The following GASK1A variants were observed in gnomAD, a reference collection of about 807,000 sequenced individuals.
GASK1A encodes the protein golgi associated kinase 1A, also known as Golgi-associated kinase 1A.
In GASK1A, 40 loss-of-function variants were observed where a neutral mutation model predicts 41.2. The ratio of observed to expected loss-of-function variants is 0.97; its 90% confidence interval spans 0.75 to 1.27. GASK1A has a LOEUF of 1.27. Ranked by LOEUF, GASK1A falls within the 50% of genes most tolerant of loss-of-function variation. The probability of loss-of-function intolerance (pLI) is 0.00; values close to 1 mark genes in which losing one functional copy is unlikely to be tolerated. For synonymous variants in GASK1A, 316 were observed against 307.1 expected (o/e 1.03, Z -0.30); for missense variants, 678 against 745.1 (o/e 0.91, Z 1.05).
At chr3:43,003,426 C>T (rs1235449456) in intron 1 of GASK1A, among the ~76,000 whole-genome samples, 1 of 148,442 alleles carries the variant, frequency 6.7e-6, no homozygotes, top group African/African-American at 2.5e-5. Flanking sequence ...ACCAGGGAGA[C>T]GGAGGTTGCA....
At chr3:43,051,295 G>A (rs764462021) in intron 2 of GASK1A, among the ~76,000 whole-genome samples, 1 of 152,142 alleles carries the variant, frequency 6.6e-6, no homozygotes, top group Non-Finnish European at 1.5e-5. Context: ...TGCTCAGTTA[G>A]TTCAGTGATC....
At chr3:43,048,230 C>T (rs138578759) in intron 2 of GASK1A, among the ~76,000 whole-genome samples, 4 of 152,216 alleles carry the variant, frequency 2.6e-5, no homozygotes, top group Admixed American at 1.3e-4. Flanking sequence ...GGTGAAGATG[C>T]TAATTCAGTC....
chr3:43,033,768 A>G (rs2089592157), intron 2 of GASK1A, among the ~76,000 whole-genome samples: 1 of 152,192 alleles, frequency 6.6e-6, no homozygotes, highest in African/African-American at 2.4e-5. Flanking sequence ...TGATGGCTAT[A>G]ATTTTCAGGA....
At chr3:43,015,910 T>C (rs990008419) in intron 1 of GASK1A, among the ~76,000 whole-genome samples, 1 of 150,166 alleles carries the variant, frequency 6.7e-6, no homozygotes, top group African/African-American at 2.5e-5. Flanking sequence ...GGAGGGGCAG[T>C]GTGAAGCCAA....
intron 1 of GASK1A, among the ~76,000 whole-genome samples, chr3:43,013,248 G>C (rs149161872): frequency 8.4e-4 from 128 of 151,644 alleles, no homozygotes; most frequent in Admixed American, 3.8e-3. Context: ...CACAGGAAGA[G>C]GCAATGTGAA....
intron 3 of GASK1A, among the ~76,000 whole-genome samples, chr3:43,054,716 C>T (rs571840900): frequency 3.3e-5 from 5 of 152,306 alleles, no homozygotes; most frequent in East Asian, 3.9e-4. Context: ...GCCTCCCATT[C>T]GCAACCACAC....
At chr3:43,002,580 T>C (rs1474908085) in intron 1 of GASK1A, among the ~76,000 whole-genome samples, 1 of 152,182 alleles carries the variant, frequency 6.6e-6, no homozygotes, top group Non-Finnish European at 1.5e-5. Flanking sequence ...CATACTGAAA[T>C]GTAGCTGGTC....
intron 1 of GASK1A, among the ~76,000 whole-genome samples, chr3:42,985,956 A>G (rs2125672298): frequency 6.6e-6 from 1 of 152,338 alleles, no homozygotes; most frequent in South Asian, 2.1e-4. Context: ...CACTTACCAT[A>G]TATCCCAGCA....
rs1420979927 is a variant in GASK1A, at chr3:43,053,534, T to A, written c.1304T>A (p.Leu435Ter). 54 of 1,549,040 alleles carry A rather than the reference T, an allele frequency of 3.5e-5. No individual in the cohort carries two copies. The highest frequency in any genetic ancestry group is 4.6e-5 in the Non-Finnish European group (53 of 1,145,074). Reference protein sequence around the residue: ...FDFLLQVHDRLDRYCCGFEPE... With the variant: ...FDFLLQVHDR ...GTGTCTCCACAGGTCCACGACCGCTTGGATCGCTACTGCTGTGGCTTCGAG... is the reference window on the plus strand; with the variant it reads ...GTGTCTCCACAGGTCCACGACCGCTAGGATCGCTACTGCTGTGGCTTCGAG... Residue 435 changes from leucine (L) to a stop codon, truncating the protein, a stop_gained, in exon 3 of 5, where the codon TTG becomes TAG. Transcript: ENST00000430121. LOFTEE classifies it high-confidence loss of function.
At chr3:43,039,194 T>TTTG (rs2089621662) in intron 2 of GASK1A, among the ~76,000 whole-genome samples, 1 of 65,074 alleles carries the variant, frequency 1.5e-5, no homozygotes, top group South Asian at 4.7e-4. Flanking sequence ...ACCAGGTAGT[T>TTTG]TTTTTTTTTG....
intron 1 of GASK1A, among the ~76,000 whole-genome samples, chr3:43,021,290 C>A: frequency 6.6e-6 from 1 of 152,232 alleles, no homozygotes; most frequent in Middle Eastern, 3.4e-3. Flanking sequence ...CACCTTTCCA[C>A]GTGATTTTAA....
intron 2 of GASK1A, among the ~76,000 whole-genome samples, chr3:43,045,418 C>G (rs190180271): frequency 6.6e-6 from 1 of 152,134 alleles, no homozygotes; most frequent in African/African-American, 2.4e-5. Context: ...CCTGCCTCAG[C>G]TCTTCTACCA....
chr3:43,009,960 G>T (rs1299704194), intron 1 of GASK1A, among the ~76,000 whole-genome samples: 1 of 152,180 alleles, frequency 6.6e-6, no homozygotes, highest in African/African-American at 2.4e-5. Context: ...TTATTTCTTG[G>T]TCCAGTGCTT....
intron 1 of GASK1A, among the ~76,000 whole-genome samples, chr3:42,986,737 G>A (rs891321795): frequency 6.6e-6 from 1 of 152,152 alleles, no homozygotes; most frequent in Non-Finnish European, 1.5e-5. Flanking sequence ...TGGAGAGATG[G>A]GATTGTGTTT....
Position 43,055,532 on chromosome 3 carries a change from A to G in GASK1A, c.1514A>G (p.Asp505Gly), listed in dbSNP as rs1359533199. The change falls in exon 4 of 5, where the codon GAT (aspartate) becomes GGT (glycine). Residue 505 changes from aspartate to glycine, a missense_variant. Coordinates refer to ENST00000430121, the MANE Select transcript of GASK1A (RefSeq NM_001129908.3). ...AACTTTCGGCTGCTGGAGGGCATAG[A>G]TGGGTGAGGGTCAAAAGGGTTGGGT... is the stretch of plus-strand genomic sequence containing the variant. ...KLNFRLLEGI[D>G]GFPESAVKVL... 3 of 1,551,144 alleles carry G rather than the reference A, an allele frequency of 1.9e-6. No homozygotes were observed. Among genetic ancestry groups the G allele is most frequent in the African/African-American group, 1.4e-5 (1 of 73,028 alleles).
chr3:42,998,441 G>A (rs147000520), intron 1 of GASK1A, among the ~76,000 whole-genome samples: 1 of 152,278 alleles, frequency 6.6e-6, no homozygotes, highest in Non-Finnish European at 1.5e-5. Context: ...TGTTCTTAGC[G>A]GGGTAATGCT....
chr3:43,033,535 C>G lies in GASK1A; in HGVS notation c.1272C>G (p.Leu424=). 1 of 1,533,308 alleles carries G rather than the reference C, an allele frequency of 6.5e-7. No individual in the cohort carries two copies. The highest frequency in any genetic ancestry group is 1.4e-5 in the African/African-American group (1 of 72,910). The allele number at this position is 1,533,308 out of a possible 1,614,324, so 95.0% of individuals were successfully genotyped here. ...ATACCGAGTGGGCACGCCTGGCGCT[C>G]TTCGACTTCCTGTTGCAGGTAGGTG... ...IHHTEWARLA[L]FDFLLQVHDR... is the part of the protein sequence containing the mutation. Residue 424 remains leucine (L), a synonymous_variant, in exon 2 of 5, where the codon CTC becomes CTG. Coordinates refer to ENST00000430121, the MANE Select transcript of GASK1A (RefSeq NM_001129908.3).
chr3:43,005,354 G>A (rs2089430787), intron 1 of GASK1A, among the ~76,000 whole-genome samples: 2 of 152,128 alleles, frequency 1.3e-5, no homozygotes, highest in South Asian at 2.1e-4. Flanking sequence ...AATATTAAAT[G>A]GAAAATTCCA....
In GASK1A at chr3:43,042,550, TG is replaced by T. The variant is rs2089643218; in HGVS notation, c.1290+9000del. Among the ~76,000 whole-genome samples, 3 of 152,228 alleles carry T rather than the reference TG, an allele frequency of 2.0e-5. No individual in the cohort carries two copies. The South Asian group carries it at 6.2e-4, about 31-fold the overall frequency. On this transcript the variant is annotated intron_variant, in intron 2 of 4. Coordinates refer to ENST00000430121, the MANE Select transcript of GASK1A (RefSeq NM_001129908.3). ...ATGTGTAATTTTTTCGAATGCCTTT[TG>T]GGTATCTGTGGGAGAAGTCACCATA... is the stretch of plus-strand genomic sequence containing the variant.
Sources: allele counts gnomAD v4.1 joint callset (sites outside exome capture counted in the v4.1 genomes callset), GRCh38; gene constraint gnomAD v4.1.1; transcripts MANE v1.5; gene names NCBI Gene and HGNC (gene_info 2026-07-23, HGNC 2026-07-21).